Variants in EIF3A observed in about 807,000 individuals in gnomAD.
EIF3A encodes eukaryotic translation initiation factor 3 subunit A, also known as EIF3, p180 subunit.
Under a neutral mutation model 186.6 loss-of-function variants are expected in EIF3A, and 21 were observed. That is an observed-to-expected ratio of 0.11 (90% CI 0.08 to 0.16). The LOEUF (loss-of-function observed/expected upper bound fraction) is 0.16. EIF3A is among the 10% of genes least tolerant of loss of function. The pLI, the probability that EIF3A is intolerant of heterozygous loss-of-function variation, is 1.00. For missense variants in EIF3A, 1,306 were observed against 1,796.3 expected, an observed-to-expected ratio of 0.73 and a Z score of 4.93; for synonymous variants, 563 against 584.3, an observed-to-expected ratio of 0.96 and a Z score of 0.52.
rs1844164820 is a variant in EIF3A, at chr10:119,075,948, A to C, written c.50-2011T>G. On this transcript the variant is annotated intron_variant, in intron 1 of 21. Transcript: ENST00000369144. The stretch of plus-strand genomic sequence containing the variant: ...TCACCGTGTTAGCCAGGATGGTCTC[A>C]ATCTCCTGACCTCGTGATCTGCCCA... Among the ~76,000 whole-genome samples, 6 of 121,316 alleles carry C rather than the reference A, an allele frequency of 4.9e-5. No individual in the cohort carries two copies. The South Asian group carries it at 1.6e-3, about 33-fold the overall frequency. 79.6% of individuals were successfully genotyped at this position (121,316 alleles called of 152,430 possible).
At position 119,069,611 on chromosome 10, in the gene EIF3A, AAGG is replaced by A; in HGVS notation, c.782_784del (p.Ser261del). Reference sequence around the variant, plus strand: ...CTGAGGTTTAGGTGGTTTTTTAGACAAGGAGAATAGCCCGTGAATATCTTCCAC... The same window carrying A: ...CTGAGGTTTAGGTGGTTTTTTAGACAAGAATAGCCCGTGAATATCTTCCAC... On this transcript the variant is annotated inframe_deletion, in exon 6 of 22. Transcript: ENST00000369144. 5 of 1,600,516 alleles carry A rather than the reference AAGG, an allele frequency of 3.1e-6. No individual in the cohort carries two copies. The highest frequency in any genetic ancestry group is 4.3e-6 in the Non-Finnish European group (5 of 1,167,716).
chr10:119,074,874 C>G (rs1346080286), intron 1 of EIF3A, among the ~76,000 whole-genome samples: 2 of 128,032 alleles, frequency 1.6e-5, no homozygotes, highest in African/African-American at 6.0e-5. Flanking sequence ...GCTGAGATGG[C>G]GCCACTGCAC....
intron 19 of EIF3A, among the ~76,000 whole-genome samples, chr10:119,038,706 T>C (rs1848168985): frequency 6.6e-6 from 1 of 152,100 alleles, no homozygotes; most frequent in African/African-American, 2.4e-5. Flanking sequence ...GGTGGATCAC[T>C]TAAGGTCAGG....
Position 119,042,714 on chromosome 10 carries a change from G to T in EIF3A, c.2806C>A (p.Arg936=), listed in dbSNP as rs762013834. The change falls in exon 19 of 22, where the codon CGG becomes AGG. Residue 936 remains arginine, a synonymous_variant. Transcript: ENST00000369144. The surrounding 1 kb of genome is among the most constrained non-coding windows in gnomAD (Gnocchi z 7.8). ...TCATCATCCCCCAGACGCCGGGGCC[G>T]CTCTTCATCTCTTCTATGAGACCTG... ...EDRSHRRDEE[R]PRRLGDDEDR... is the part of the protein sequence containing the mutation. 6.2e-7 allele frequency: 1 copy of T among 1,613,490 alleles called. No individual in the cohort carries two copies.
chr10:119,067,140 C>T (rs181643944), intron 6 of EIF3A, among the ~76,000 whole-genome samples: 6 of 151,858 alleles, frequency 4.0e-5, no homozygotes, highest in Admixed American at 1.3e-4. Context: ...CGCTCGAACC[C>T]GGGAGGCAGA....
At position 119,033,889 on chromosome 10, in the gene EIF3A, ACAGG is replaced by A. The variant is rs1848091676; in HGVS notation, c.*2146_*2149del. ...TCTTTGGTTAAAAAAAAAAAAAAACACAGGCAGTTCTTTACATAAAAACGTCCCA... is the reference window on the plus strand; with the variant it reads ...TCTTTGGTTAAAAAAAAAAAAAAACACAGTTCTTTACATAAAAACGTCCCA... On this transcript the variant is annotated 3_prime_UTR_variant, in exon 22 of 22. Coordinates refer to ENST00000369144, the MANE Select transcript of EIF3A (RefSeq NM_003750.4). 6.2e-6 allele frequency: 1 copy of A among 162,564 alleles called. No homozygotes were observed. The highest frequency in any genetic ancestry group is 1.5e-5 in the Non-Finnish European group (1 of 66,682). The allele number at this position is 162,564 out of a possible 1,614,324, so 10.1% of individuals were successfully genotyped here.
chr10:119,059,372 G>C lies in EIF3A; in HGVS notation c.1469C>G (p.Thr490Ser). The change falls in exon 11 of 22, where the codon ACC becomes AGC. Residue 490 changes from threonine (T) to serine (S), a missense_variant. Thr to Ser is a moderately conservative substitution (Grantham distance 58). Transcript: ENST00000369144. ...ATTCAAATCAGATCCAAAACTCAGG[G>C]TCCGAGAAGTGTGATCAATACGAAC... Reference protein sequence around the residue: ...LQVRIDHTSRTLSFGSDLNYA... With the variant: ...LQVRIDHTSRSLSFGSDLNYA... 6.2e-7 allele frequency: 1 copy of C among 1,600,880 alleles called. No homozygotes were observed. The highest frequency in any genetic ancestry group is 1.3e-5 in the African/African-American group (1 of 74,332).
At chr10:119,055,240 GAAT>G (rs1308199397) in intron 14 of EIF3A, among the ~76,000 whole-genome samples, 2 of 151,934 alleles carry the variant, frequency 1.3e-5, no homozygotes, top group African/African-American at 4.8e-5. Flanking sequence ...GTGTCTCAGG[GAAT>G]AATAGGAAGG....
At chr10:119,071,302 A>G (rs1844066015) in intron 4 of EIF3A, among the ~76,000 whole-genome samples, 1 of 152,200 alleles carries the variant, frequency 6.6e-6, no homozygotes, top group Non-Finnish European at 1.5e-5. Context: ...GTCCTTGCTT[A>G]CAACTAAAAT....
rs1241413917 is a variant in EIF3A at position 119,073,010 on chromosome 10, T to C, written c.421A>G (p.Thr141Ala). ...AVSGEDTQDR[T>A]DRLLLTPWVK... Reference sequence around the variant, plus strand: ...CATGGAGTTAAAAGTAATCTGTCAGTACGATCCTGAGTGTCTTCACCACTT... The same window carrying C: ...CATGGAGTTAAAAGTAATCTGTCAGCACGATCCTGAGTGTCTTCACCACTT... The change falls in exon 4 of 22, where the codon ACT becomes GCT. Residue 141 changes from threonine to alanine, a missense_variant. Around this residue, in one of 8 missense-constraint regions of EIF3A, gnomAD observed 130 missense variants for 259.3 expected, o/e 0.50. Transcript: ENST00000369144. 47 of 1,614,016 alleles carry C rather than the reference T, an allele frequency of 2.9e-5. No individual in the cohort carries two copies. The highest frequency in any genetic ancestry group is 3.8e-5 in the Non-Finnish European group (45 of 1,180,026).
intron 4 of EIF3A, among the ~76,000 whole-genome samples, chr10:119,072,137 T>C (rs1023358594): frequency 5.4e-5 from 8 of 146,894 alleles, no homozygotes; most frequent in African/African-American, 1.5e-4. Flanking sequence ...ATCACTTGAG[T>C]CCAGAAGTCT....
intron 17 of EIF3A, among the ~76,000 whole-genome samples, chr10:119,044,770 C>T (rs1848259453): frequency 6.6e-6 from 1 of 152,080 alleles, no homozygotes; most frequent in Non-Finnish European, 1.5e-5. Flanking sequence ...ATCGCTTGAA[C>T]CCAGAAGGCA....
intron 6 of EIF3A, among the ~76,000 whole-genome samples, chr10:119,068,188 CTTCGGGGCTCAT>C (rs1844009945): frequency 6.6e-6 from 1 of 152,098 alleles, no homozygotes; most frequent in Non-Finnish European, 1.5e-5. Flanking sequence ...AAGACTATGC[CTTCGGGGCTCAT>C]TTCTATAGTT....
intron 1 of EIF3A, among the ~76,000 whole-genome samples, chr10:119,078,944 AC>A (rs1844218853): frequency 6.6e-6 from 1 of 151,836 alleles, no homozygotes; most frequent in African/African-American, 2.4e-5. Context: ...GCCTACTAGC[AC>A]GGGGAAAAAA....
chr10:119,065,891 C>T (rs1843966314), intron 6 of EIF3A, among the ~76,000 whole-genome samples: 2 of 151,534 alleles, frequency 1.3e-5, no homozygotes, highest in Non-Finnish European at 2.9e-5. Context: ...CCAAGGGGGG[C>T]ACATCACGAC....
chr10:119,077,845 G>A (rs1021873983), intron 1 of EIF3A, among the ~76,000 whole-genome samples: 2 of 152,110 alleles, frequency 1.3e-5, no homozygotes, highest in African/African-American at 2.4e-5. Flanking sequence ...GAGCCACCAC[G>A]CCCGGCCTCC....
chr10:119,042,756 C>G lies in EIF3A; in HGVS notation c.2764G>C (p.Glu922Gln), dbSNP rs751510944. 6.2e-7 allele frequency: 1 copy of G among 1,605,394 alleles called. No individual in the cohort carries two copies. The highest frequency in any genetic ancestry group is 2.2e-5 in the East Asian group (1 of 44,688). The change falls in exon 19 of 22, where the codon GAA (glutamate) becomes CAA (glutamine). Residue 922 changes from glutamate (E) to glutamine (Q), a missense_variant. This residue lies in a region of EIF3A where 410 missense variants were observed against 473.5 expected (regional missense o/e 0.87). Coordinates refer to ENST00000369144, the MANE Select transcript of EIF3A (RefSeq NM_003750.4). The surrounding 1 kb of genome is among the most constrained non-coding windows in gnomAD (Gnocchi z 7.8). ...GPPEKEWRRG[E>Q]GRDEDRSHRR... The stretch of plus-strand genomic sequence containing the variant: ...TGAGACCTGTCCTCATCTCGCCCTT[C>G]TCCACGTCTCCACTCCCTACACAGC...
chr10:119,037,385 G>A (rs1223739798), intron 20 of EIF3A, 76 bp from the exon 21 acceptor site: 4 of 1,318,194 alleles, frequency 3.0e-6, no homozygotes, highest in Non-Finnish European at 4.3e-6. Flanking sequence ...TCCAGTCCAA[G>A]CTGGGGCTTA....
chr10:119,037,414 G>A (rs1589683292), intron 20 of EIF3A, 105 bp from the exon 21 acceptor site: 1 of 1,024,502 alleles, frequency 9.8e-7, no homozygotes, highest in Non-Finnish European at 1.4e-6. Context: ...AAATATAACA[G>A]ACAGTTTAAA....
Sources: allele counts gnomAD v4.1 joint callset (sites outside exome capture counted in the v4.1 genomes callset), GRCh38; gene constraint gnomAD v4.1.1; regional missense constraint gnomAD v4.1.1; non-coding constraint Gnocchi (gnomAD v3.1); transcripts MANE v1.5; gene names NCBI Gene and HGNC (gene_info 2026-07-23, HGNC 2026-07-21).